TARS2: variants seen among roughly 807,000 people sequenced by gnomAD.
TARS2 encodes threonine--tRNA ligase, mitochondrial.
In TARS2, 61 loss-of-function variants were observed where a neutral mutation model predicts 94.4. That is an observed-to-expected ratio of 0.65 (90% CI 0.53 to 0.80). The LOEUF is 0.80. Ranked by LOEUF, TARS2 falls within the 30% of genes least tolerant of loss-of-function variation. TARS2 has a pLI of 0.00. For synonymous variants in TARS2, 359 were observed against 353.4 expected (o/e 1.02, Z -0.18); for missense variants, 704 against 902.5 (o/e 0.78, Z 2.82).
At chr1:150,490,828 AG>A in intron 4 of TARS2, 103 bp downstream of exon 4, 1 of 1,536,408 alleles carries the variant, frequency 6.5e-7, no homozygotes, top group Admixed American at 1.9e-5. Flanking sequence ...CTGGAGGAGA[AG>A]GGTTTCTCTA....
intron 7 of TARS2, among the ~76,000 whole-genome samples, chr1:150,494,997 C>T (rs1440697912): frequency 5.9e-5 from 9 of 151,452 alleles, no homozygotes; most frequent in African/African-American, 1.5e-4. Flanking sequence ...CTGGCTAACA[C>T]GGTGAAACCC....
chr1:150,492,386 C>CTA (rs1466105109), intron 6 of TARS2, 25 bp from the exon 7 acceptor site: 15 of 1,612,232 alleles, frequency 9.3e-6, no homozygotes, highest in Non-Finnish European at 1.3e-5. Flanking sequence ...CTGAAAATCA[C>CTA]TAACTGGCCT....
At chr1:150,496,745 G>C in intron 8 of TARS2, 65 bp from the exon 9 acceptor site, 1 of 1,608,734 alleles carries the variant, frequency 6.2e-7, no homozygotes, top group South Asian at 1.1e-5. Flanking sequence ...TCCGTCAGTT[G>C]TTCTGAGTTC....
At position 150,502,111 on chromosome 1, in the gene TARS2, C is replaced by T. The variant is rs1238913504; in HGVS notation, c.1618-2224C>T. Among the ~76,000 whole-genome samples, 4 of 151,344 alleles carry T rather than the reference C, an allele frequency of 2.6e-5. No individual in the cohort carries two copies. In the East Asian group the frequency reaches 7.8e-4, roughly 30 times the overall value. ...TATTTTTAGTAGAGATGGGATTTCA[C>T]CATGTTGGCCAGGCTGGTCTTGAAC... On this transcript the variant is annotated intron_variant, in intron 13 of 17. Coordinates refer to ENST00000369064, the MANE Select transcript of TARS2 (RefSeq NM_025150.5).
intron 7 of TARS2, among the ~76,000 whole-genome samples, chr1:150,494,370 C>CAAAAAAAA (rs377287320): frequency 1.1e-5 from 1 of 92,012 alleles, no homozygotes. Flanking sequence ...GACAACATCT[C>CAAAAAAAA]AAAAAAAAAA....
At position 150,487,991 on chromosome 1, in the gene TARS2, G is replaced by A. The variant is rs1321024271; in HGVS notation, c.200G>A (p.Gly67Glu). The change falls in exon 2 of 18, where the codon GGA becomes GAA. Residue 67 changes from glycine to glutamate, a missense_variant. Physicochemically the swap from Gly to Glu is moderately conservative, Grantham distance 98. Around this residue, in one of 3 missense-constraint regions of TARS2, gnomAD observed 208 missense variants for 228.5 expected, o/e 0.91. Coordinates refer to ENST00000369064, the MANE Select transcript of TARS2 (RefSeq NM_025150.5). ...EPRTIKISLP[G>E]GQKIDAVAWN... ...CGGACTATTAAGATATCACTTCCTG[G>A]AGGCCAGAAAATTGATGCTGTGGCA... 1.2e-6 allele frequency: 2 copies of A among 1,613,942 alleles called. No individual in the cohort carries two copies. Among genetic ancestry groups the A allele is most frequent in the Non-Finnish European group, 1.7e-6 (2 of 1,180,032 alleles).
chr1:150,499,867 G>A (rs1448871417), intron 13 of TARS2, among the ~76,000 whole-genome samples: 1 of 152,022 alleles, frequency 6.6e-6, no homozygotes, highest in Non-Finnish European at 1.5e-5. Context: ...TGTCCTGCAG[G>A]AATCACTTTC....
chr1:150,506,198 C>T (rs1436894517), intron 17 of TARS2, among the ~76,000 whole-genome samples: 1 of 152,010 alleles, frequency 6.6e-6, no homozygotes, highest in East Asian at 1.9e-4. Flanking sequence ...GTTTTGCACA[C>T]CCCACTCTCC....
In TARS2 at chr1:150,487,914, G is replaced by T; in HGVS notation, c.123G>T (p.Glu41Asp). ...WLAERLGLFE[E>D]LWAAQVKRLA... ...CAGAGCGGCTTGGCCTTTTTGAGGAGCTGTGGGCTGCTCAGGTAAAGAGAT... is the reference window on the plus strand; with the variant it reads ...CAGAGCGGCTTGGCCTTTTTGAGGATCTGTGGGCTGCTCAGGTAAAGAGAT... The change falls in exon 2 of 18, where the codon GAG (glutamate) becomes GAT (aspartate). Residue 41 changes from glutamate (E) to aspartate (D), a missense_variant. Physicochemically the swap from Glu to Asp is conservative, Grantham distance 45. Coordinates refer to ENST00000369064, the MANE Select transcript of TARS2 (RefSeq NM_025150.5). 2 of 1,613,898 alleles carry T rather than the reference G, an allele frequency of 1.2e-6. No homozygotes were observed. The highest frequency in any genetic ancestry group is 2.2e-5 in the South Asian group (2 of 91,062).
intron 13 of TARS2, among the ~76,000 whole-genome samples, chr1:150,501,300 AAATTTTTTTTTTTT>A (rs1302058557): frequency 1.4e-5 from 1 of 72,992 alleles, no homozygotes; most frequent in African/African-American, 4.8e-5. Flanking sequence ...CTACAAAAAA[AAATTTTTTTTTTTT>A]TTTTTTTTTT....
intron 13 of TARS2, among the ~76,000 whole-genome samples, chr1:150,503,683 GTGTATATATA>G (rs1670063256): frequency 6.7e-6 from 1 of 148,364 alleles, no homozygotes; most frequent in African/African-American, 2.5e-5. Flanking sequence ...GTGTATATAT[GTGTATATATA>G]TGTGTGTGTA....
intron 13 of TARS2, among the ~76,000 whole-genome samples, chr1:150,503,834 C>T (rs587649421): frequency 7.7e-4 from 112 of 145,286 alleles, no homozygotes; most frequent in African/African-American, 2.4e-3. Context: ...ACCCGGGAGG[C>T]GGAGGCTGCA....
intron 7 of TARS2, among the ~76,000 whole-genome samples, chr1:150,494,907 C>T (rs1349840889): frequency 2.6e-5 from 4 of 152,012 alleles, no homozygotes; most frequent in African/African-American, 2.4e-5. Context: ...TGTGGCCGGG[C>T]GCAGTGGCTC....
chr1:150,487,706 G>T, intron 1 of TARS2, 152 bp from the exon 2 acceptor site: 1 of 1,246,184 alleles, frequency 8.0e-7, no homozygotes, highest in East Asian at 2.4e-5. Context: ...TGAGCTCGAA[G>T]GACCCCCAGC....
At position 150,504,703 on chromosome 1, in the gene TARS2, G is replaced by A. The variant is rs1225724532; in HGVS notation, c.1790G>A (p.Gly597Glu). ...CTCGGTTCTGTGGAAAGACTGTTGG[G>A]AGTGCTGGCAGAAAGCTGCGGGGGG... is the stretch of plus-strand genomic sequence containing the variant. The part of the protein sequence containing the change: ...AVLGSVERLL[G>E]VLAESCGGKW... The change falls in exon 15 of 18, where the codon GGA (glycine) becomes GAA (glutamate). Residue 597 changes from glycine to glutamate, a missense_variant. Around this residue, in one of 3 missense-constraint regions of TARS2, gnomAD observed 466 missense variants for 609.5 expected, o/e 0.76. Coordinates refer to ENST00000369064, the MANE Select transcript of TARS2 (RefSeq NM_025150.5). 7 of 1,614,058 alleles carry A rather than the reference G, an allele frequency of 4.3e-6. No homozygotes were observed. Among genetic ancestry groups the A allele is most frequent in the Non-Finnish European group, 5.9e-6 (7 of 1,180,046 alleles).
At chr1:150,498,713 C>T in intron 11 of TARS2, 49 bp downstream of exon 11, 1 of 1,612,768 alleles carries the variant, frequency 6.2e-7, no homozygotes, top group Non-Finnish European at 8.5e-7. Context: ...ACCTTTCTTT[C>T]TCCCTATGAA....
In TARS2 at chr1:150,506,486, G is replaced by GCACACA. The variant is rs10581752; in HGVS notation, c.2009-405_2009-400dup. ...TAATACCCCCTTCAGACACGCGCGC[G>GCACACA]CACACACACACACACACACACACAC... On this transcript the variant is annotated intron_variant, in intron 17 of 17. Coordinates refer to ENST00000369064, the MANE Select transcript of TARS2 (RefSeq NM_025150.5). Among the ~76,000 whole-genome samples, 383 of 123,774 alleles carry GCACACA rather than the reference G, an allele frequency of 3.1e-3. 15 individuals are homozygous for GCACACA. Among genetic ancestry groups the GCACACA allele is most frequent in the African/African-American group, 9.8e-3 (334 of 33,930 alleles). The allele number at this position is 123,774 out of a possible 152,430, so 81.2% of individuals were successfully genotyped here. A position where few individuals can be genotyped will look rare whatever the true frequency, so the allele number is the denominator to read the frequency against.
chr1:150,490,741 AAGG>A lies in TARS2; in HGVS notation c.512+22_512+24del. The A allele has an allele frequency of 2.5e-6, 4 of 1,613,148 alleles. No homozygotes were observed. The highest frequency in any genetic ancestry group is 2.5e-6 in the Non-Finnish European group (3 of 1,179,794). On this transcript the variant is annotated intron_variant, in intron 4 of 17. Transcript: ENST00000369064. ...GAAAGGAGAGGTGAGTAATGAAAGG[AAGG>A]AGGAGAATGATTCTGGGATGGTTTC...
intron 4 of TARS2, among the ~76,000 whole-genome samples, chr1:150,491,176 C>T (rs1293371954): frequency 1.3e-5 from 2 of 152,192 alleles, no homozygotes; most frequent in African/African-American, 4.8e-5. Flanking sequence ...TCCAGATTTC[C>T]TGCATTCAAC....
Sources: gnomAD v4.1 joint callset for allele counts (sites outside exome capture counted in the v4.1 genomes callset) on GRCh38, gnomAD v4.1.1 for gene constraint, gnomAD v4.1.1 regional missense constraint, MANE v1.5 for transcripts, NCBI Gene and HGNC (gene_info 2026-07-23, HGNC 2026-07-21) for gene names.